Variants in CARD6 observed in about 807,000 individuals in gnomAD.
The protein encoded by CARD6 is caspase recruitment domain-containing protein 6.
In CARD6, 27 loss-of-function variants were observed where a neutral mutation model predicts 23.6. That is an observed-to-expected ratio of 1.14 (90% CI 0.84 to 1.58). The LOEUF (loss-of-function observed/expected upper bound fraction) is 1.58. CARD6 is among the 40% of genes most tolerant of loss of function. CARD6 has a pLI of 0.00. For missense variants in CARD6, 1,214 were observed against 1,209.9 expected, an observed-to-expected ratio of 1.00 and a Z score of -0.05; for synonymous variants, 397 against 431.8, an observed-to-expected ratio of 0.92 and a Z score of 1.00.
chr5:40,845,904 T>C (rs1745958551), intron 2 of CARD6, among the ~76,000 whole-genome samples: 2 of 152,170 alleles, frequency 1.3e-5, no homozygotes, highest in African/African-American at 4.8e-5. Flanking sequence ...TGGGCAGTTC[T>C]GCTGGTCTTC....
In CARD6 at chr5:40,853,305, A is replaced by C. The variant is rs1746113112; in HGVS notation, c.1973A>C (p.Asp658Ala). Residue 658 changes from aspartate (D) to alanine (A), a missense_variant, in exon 3 of 3, where the codon GAT (aspartate) becomes GCT (alanine). By Grantham distance (126) the Asp-to-Ala change is moderately radical. Transcript: ENST00000254691. ...GCCAGGGAGCTGGGGATTCAGGTAG[A>C]TGAAGACTTTGAAAACACTCAGAGA... ...ALARELGIQV[D>A]EDFENTQRIQ... 4 of 1,614,184 alleles carry C rather than the reference A, an allele frequency of 2.5e-6. No homozygotes were observed. The highest frequency in any genetic ancestry group is 2.5e-6 in the Non-Finnish European group (3 of 1,180,012).
rs748727449 is a variant in CARD6 at position 40,854,163 on chromosome 5, C to A, written c.2831C>A (p.Ser944Tyr). 1.2e-6 allele frequency: 2 copies of A among 1,614,210 alleles called. No individual in the cohort carries two copies. Among genetic ancestry groups the A allele is most frequent in the Non-Finnish European group, 1.7e-6 (2 of 1,180,050 alleles). The part of the protein sequence containing the change: ...HPMCKSSQFK[S>Y]DQSNPSTVKH... ...ATGTGCAAGAGCTCTCAGTTCAAATCCGATCAGTCCAACCCATCCACAGTC... is the reference window on the plus strand; with the variant it reads ...ATGTGCAAGAGCTCTCAGTTCAAATACGATCAGTCCAACCCATCCACAGTC... The change falls in exon 3 of 3, where the codon TCC becomes TAC. Residue 944 changes from serine to tyrosine, a missense_variant. By Grantham distance (144) the Ser-to-Tyr change is moderately radical. Transcript: ENST00000254691.
intron 2 of CARD6, among the ~76,000 whole-genome samples, chr5:40,844,488 C>T (rs1579800943): frequency 6.6e-6 from 1 of 152,266 alleles, no homozygotes; most frequent in East Asian, 1.9e-4. Flanking sequence ...ACCTTGGCCA[C>T]CCAAAATCCT....
Position 40,853,494 on chromosome 5 carries a change from C to G in CARD6, c.2162C>G (p.Thr721Ser). 1 of 1,614,160 alleles carries G rather than the reference C, an allele frequency of 6.2e-7. No homozygotes were observed. Residue 721 changes from threonine to serine, a missense_variant, in exon 3 of 3, where the codon ACC becomes AGC. Transcript: ENST00000254691. ...CAGAATCTTCAGAATCTCTATGGTA[C>G]CCCAGTATTCAGGCCTGTTCTAGAG... is the stretch of plus-strand genomic sequence containing the variant. ...LSQNLQNLYG[T>S]PVFRPVLENS...
In CARD6 at chr5:40,854,549, A is replaced by G. The variant is rs866480757; in HGVS notation, c.*103A>G. On this transcript the variant is annotated 3_prime_UTR_variant, in exon 3 of 3. Transcript: ENST00000254691. ...ATGAAAGTAAAAGACTACTGTCATT[A>G]GCATGTAAAACAAAGAAAGATATAC... 1.0e-5 allele frequency: 9 copies of G among 898,566 alleles called. No individual in the cohort carries two copies. The Middle Eastern group carries it at 2.1e-3, about 207-fold the overall frequency. 55.7% of individuals were successfully genotyped at this position (898,566 alleles called of 1,614,324 possible).
In CARD6 at chr5:40,854,407, C is replaced by G. The variant is rs768331177; in HGVS notation, c.3075C>G (p.His1025Gln). ...CCAATCCTTCACAAGCTAAGGCACA[C>G]CACTCAAAAGCAGGGCAGAAGAGGG... is the stretch of plus-strand genomic sequence containing the variant. Reference protein sequence around the residue: ...SSTNPSQAKAHHSKAGQKRGG... With the variant: ...SSTNPSQAKAQHSKAGQKRGG... Residue 1025 changes from histidine to glutamine, a missense_variant, in exon 3 of 3, where the codon CAC becomes CAG. Coordinates refer to ENST00000254691, the MANE Select transcript of CARD6 (RefSeq NM_032587.4). 23 of 1,614,118 alleles carry G rather than the reference C, an allele frequency of 1.4e-5. No homozygotes were observed. Among genetic ancestry groups the G allele is most frequent in the Middle Eastern group, 1.7e-4 (1 of 6,060 alleles).
chr5:40,852,667 G>C lies in CARD6; in HGVS notation c.1335G>C (p.Lys445Asn). 3 of 1,614,194 alleles carry C rather than the reference G, an allele frequency of 1.9e-6. No individual in the cohort carries two copies. The highest frequency in any genetic ancestry group is 2.2e-5 in the South Asian group (2 of 91,082). Residue 445 changes from lysine to asparagine, a missense_variant, in exon 3 of 3, where the codon AAG (lysine) becomes AAC (asparagine). Transcript: ENST00000254691. Reference protein sequence around the residue: ...FSGGPTEDTEKFLTLMKMPVI... With the variant: ...FSGGPTEDTENFLTLMKMPVI... The stretch of plus-strand genomic sequence containing the variant: ...GGGGGCCTACAGAGGATACAGAAAA[G>C]TTTCTGACTCTCATGAAGATGCCTG...
Position 40,852,309 on chromosome 5 carries a change from C to T in CARD6, c.977C>T (p.Ala326Val). The T allele has an allele frequency of 6.2e-7, 1 of 1,614,050 alleles. No homozygotes were observed. Among genetic ancestry groups the T allele is most frequent in the Non-Finnish European group, 8.5e-7 (1 of 1,179,996 alleles). Residue 326 changes from alanine to valine, a missense_variant, in exon 3 of 3, where the codon GCC becomes GTC. Ala to Val is a moderately conservative substitution (Grantham distance 64). Coordinates refer to ENST00000254691, the MANE Select transcript of CARD6 (RefSeq NM_032587.4). Reference protein sequence around the residue: ...KWTPESPGDLAWNFLMKVQAR... With the variant: ...KWTPESPGDLVWNFLMKVQAR... ...ACCCCTGAGAGTCCAGGAGACTTAG[C>T]CTGGAATTTCCTGATGAAAGTTCAA...
chr5:40,841,716 C>A, intron 1 of CARD6, 51 bp downstream of exon 1: 5 of 1,392,618 alleles, frequency 3.6e-6, no homozygotes, highest in East Asian at 2.5e-5. Flanking sequence ...GGCAGACTTT[C>A]TGAAAAAGAA....
At position 40,843,179 on chromosome 5, in the gene CARD6, CT is replaced by C. The variant is rs1232293191; in HGVS notation, c.312del (p.Pro105LeufsTer18). 6.2e-7 allele frequency: 1 copy of C among 1,601,898 alleles called. No homozygotes were observed. The highest frequency in any genetic ancestry group is 8.5e-7 in the Non-Finnish European group (1 of 1,176,956). On this transcript the variant is annotated frameshift_variant, in exon 2 of 3. Transcript: ENST00000254691. LOFTEE classifies it high-confidence loss of function. ...GTTTTAAAACATGAGAATACAGTAC[CT>C]CCTCAATCTATGGGGGCAAGCAGTA... ...HEVLKHENTV[P>X]PQSMGASSNS... is the part of the protein sequence containing the mutation.
At chr5:40,843,005 T>C in intron 1 of CARD6, 147 bp from the exon 2 acceptor site, 1 of 609,762 alleles carries the variant, frequency 1.6e-6, no homozygotes, top group Non-Finnish European at 2.7e-6. Context: ...GCCATTGCAC[T>C]CCAGCCTCGG....
intron 2 of CARD6, among the ~76,000 whole-genome samples, chr5:40,847,971 T>C (rs1745993227): frequency 1.3e-5 from 2 of 152,036 alleles, no homozygotes; most frequent in South Asian, 4.1e-4. Context: ...TTTAAAAATA[T>C]TGTTCTACAG....
At chr5:40,852,034 A>T (rs370122546) in intron 2 of CARD6, 140 bp from the exon 3 acceptor site, 1 of 601,836 alleles carries the variant, frequency 1.7e-6, no homozygotes, top group East Asian at 2.8e-5. Flanking sequence ...CTAAGATGGT[A>T]GGATTGCTTG....
Position 40,853,830 on chromosome 5 carries a change from C to G in CARD6, c.2498C>G (p.Pro833Arg), listed in dbSNP as rs573600026. The G allele has an allele frequency of 6.2e-7, 1 of 1,614,068 alleles. No individual in the cohort carries two copies. The highest frequency in any genetic ancestry group is 1.7e-5 in the Admixed American group (1 of 59,990). Residue 833 changes from proline (P) to arginine (R), a missense_variant, in exon 3 of 3, where the codon CCA becomes CGA. Transcript: ENST00000254691. ...CATGTACAGGCCTGCCCTGAGAGAC[C>G]ACAAATGATGGGAACTCTTGAAAGG... is the stretch of plus-strand genomic sequence containing the variant. Reference protein sequence around the residue: ...CQHVQACPERPQMMGTLERSR... With the variant: ...CQHVQACPERRQMMGTLERSR...
rs769316058 is a variant in CARD6, at chr5:40,854,053, A to C, written c.2721A>C (p.Lys907Asn). The C allele has an allele frequency of 1.9e-6, 3 of 1,614,034 alleles. No individual in the cohort carries two copies. Among genetic ancestry groups the C allele is most frequent in the African/African-American group, 2.7e-5 (2 of 74,916 alleles). Residue 907 changes from lysine (K) to asparagine (N), a missense_variant, in exon 3 of 3, where the codon AAA becomes AAC. Lys to Asn is a moderately conservative substitution (Grantham distance 94). Coordinates refer to ENST00000254691, the MANE Select transcript of CARD6 (RefSeq NM_032587.4). ...TTCAACCAGCAGCAGCCACACAAAA[A>C]CTAAGACCTGCTTCTCAGCAAGGAG... is the stretch of plus-strand genomic sequence containing the variant. ...QSFQPAAATQ[K>N]LRPASQQGVQ...
At chr5:40,842,419 TTTA>T (rs1246428276) in intron 1 of CARD6, among the ~76,000 whole-genome samples, 4 of 152,222 alleles carry the variant, frequency 2.6e-5, no homozygotes, top group Non-Finnish European at 5.9e-5. Flanking sequence ...AAATTTTTCT[TTTA>T]TTATTTCTAA....
intron 2 of CARD6, among the ~76,000 whole-genome samples, chr5:40,851,275 G>A (rs1424481402): frequency 1.3e-5 from 2 of 151,924 alleles, no homozygotes; most frequent in Non-Finnish European, 1.5e-5. Context: ...ATGTTGCAGT[G>A]AGCTGAGATC....
At position 40,854,429 on chromosome 5, in the gene CARD6, A is replaced by G; in HGVS notation, c.3097A>G (p.Arg1033Gly). 1 of 1,613,370 alleles carries G rather than the reference A, an allele frequency of 6.2e-7. No individual in the cohort carries two copies. Residue 1033 changes from arginine to glycine, a missense_variant, in exon 3 of 3, where the codon AGG (arginine) becomes GGG (glycine). By Grantham distance (125) the Arg-to-Gly change is moderately radical. Coordinates refer to ENST00000254691, the MANE Select transcript of CARD6 (RefSeq NM_032587.4). ...KAHHSKAGQKRGGKH is the reference protein window; with the variant it reads ...KAHHSKAGQKGGGKH ...ACACCACTCAAAAGCAGGGCAGAAG[A>G]GGGGAGGGAAGCATTAAAGAGCTAA...
In CARD6 at chr5:40,852,796, T is replaced by A; in HGVS notation, c.1464T>A (p.His488Gln). 1.2e-6 allele frequency: 2 copies of A among 1,614,202 alleles called. No homozygotes were observed. The highest frequency in any genetic ancestry group is 1.7e-6 in the Non-Finnish European group (2 of 1,180,018). Residue 488 changes from histidine (H) to glutamine (Q), a missense_variant, in exon 3 of 3, where the codon CAT becomes CAA. His to Gln is a conservative substitution (Grantham distance 24). Coordinates refer to ENST00000254691, the MANE Select transcript of CARD6 (RefSeq NM_032587.4). The part of the protein sequence containing the change: ...AQLKLHKIFL[H>Q]QDLPLLVLPR... Reference sequence around the variant, plus strand: ...TGAAATTACACAAAATCTTTCTTCATCAAGATTTGCCTCTTTTGGTGCTTC... The same window carrying A: ...TGAAATTACACAAAATCTTTCTTCAACAAGATTTGCCTCTTTTGGTGCTTC...
Sources: gnomAD v4.1 joint callset for allele counts (sites outside exome capture counted in the v4.1 genomes callset) on GRCh38, gnomAD v4.1.1 for gene constraint, MANE v1.5 for transcripts, NCBI Gene and HGNC (gene_info 2026-07-23, HGNC 2026-07-21) for gene names.